The following RTN4 variants were observed in gnomAD, a reference collection of about 807,000 sequenced individuals.
RTN4 encodes the protein reticulon-4.
In RTN4, 32 loss-of-function variants were observed where a neutral mutation model predicts 90.4. The observed-to-expected ratio is 0.35, with a 90% CI of 0.27 to 0.48. The LOEUF is 0.48. RTN4 is among the 20% of genes least tolerant of loss of function. The pLI, the probability that RTN4 is intolerant of heterozygous loss-of-function variation, is 0.99. For missense variants in RTN4, 1,706 were observed against 1,430.2 expected, an observed-to-expected ratio of 1.19 and a Z score of -3.11; for synonymous variants, 629 against 552.5, an observed-to-expected ratio of 1.14 and a Z score of -1.94.
chr2:55,112,807 A>G (rs1202077092), upstream of RTN4, among the ~76,000 whole-genome samples: 3 of 152,192 alleles, frequency 2.0e-5, no homozygotes, highest in East Asian at 1.9e-4. Context: ...TTCAGCCGCT[A>G]TTTATTCAGA....
intron 1 of RTN4, among the ~76,000 whole-genome samples, chr2:55,097,405 A>G (rs2105051909): frequency 6.6e-6 from 1 of 152,176 alleles, no homozygotes. Flanking sequence ...ATCAAACCCC[A>G]GGTACTTCTT....
chr2:54,983,950 G>A (rs950416693), intron 4 of RTN4, among the ~76,000 whole-genome samples: 2 of 152,138 alleles, frequency 1.3e-5, no homozygotes, highest in Non-Finnish European at 2.9e-5. Flanking sequence ...TTCAACCAGG[G>A]ACATCCTCCT....
intron 2 of RTN4, among the ~76,000 whole-genome samples, chr2:55,069,244 C>T (rs548509411): frequency 1.9e-4 from 29 of 152,186 alleles, no homozygotes; most frequent in African/African-American, 5.1e-4. Flanking sequence ...CAGTCGTCTT[C>T]AAGAAATCAA....
intron 4 of RTN4, among the ~76,000 whole-genome samples, chr2:54,983,504 C>T (rs1054047829): frequency 6.6e-6 from 1 of 152,128 alleles, no homozygotes; most frequent in South Asian, 2.1e-4. Context: ...GTCCTCATAA[C>T]CTCCCTATGT....
At chr2:55,103,113 A>G (rs1667882968) in intron 1 of RTN4, among the ~76,000 whole-genome samples, 1 of 151,804 alleles carries the variant, frequency 6.6e-6, no homozygotes, top group South Asian at 2.1e-4. Context: ...ACTCCGGAAA[A>G]AAAAAAAAAA....
chr2:55,017,029 T>C (rs952164256), intron 3 of RTN4, among the ~76,000 whole-genome samples: 1 of 152,218 alleles, frequency 6.6e-6, no homozygotes, highest in Admixed American at 6.5e-5. Flanking sequence ...TCCTCACTAA[T>C]TTAACAATGT....
chr2:55,044,395 G>C (rs1042790650), intron 1 of RTN4, among the ~76,000 whole-genome samples: 4 of 151,308 alleles, frequency 2.6e-5, no homozygotes, highest in Admixed American at 2.0e-4. Flanking sequence ...TGTCTCAAAA[G>C]AAACAAACAA....
rs1353854415 is a variant in RTN4 at position 55,049,912 on chromosome 2, G to A, written c.389C>T (p.Pro130Leu). ...CTCGTCGTCCTCAGGGAGCTTGGAGGGCGAGACTGCGGCAGCAGACAGCGG... is the reference window on the plus strand; with the variant it reads ...CTCGTCGTCCTCAGGGAGCTTGGAGAGCGAGACTGCGGCAGCAGACAGCGG... ...PSPLSAAAVS[P>L]SKLPEDDEPP... Residue 130 changes from proline (P) to leucine (L), a missense_variant, in exon 1 of 9, where the codon CCC (proline) becomes CTC (leucine). Physicochemically the swap from Pro to Leu is moderately conservative, Grantham distance 98 (BLOSUM62 -3). Coordinates refer to ENST00000337526, the MANE Select transcript of RTN4 (RefSeq NM_020532.5). 4.5e-6 allele frequency: 6 copies of A among 1,335,156 alleles called. No homozygotes were observed. The highest frequency in any genetic ancestry group is 4.8e-6 in the Non-Finnish European group (5 of 1,048,728). The allele number at this position is 1,335,156 out of a possible 1,614,324, so 82.7% of individuals were successfully genotyped here.
At chr2:55,121,342 A>G in the RTN4 span, among the ~76,000 whole-genome samples, 1 of 152,246 alleles carries the variant, frequency 6.6e-6, no homozygotes, top group African/African-American at 2.4e-5. Flanking sequence ...ATCAGGAAAA[A>G]TCTAACTGAC....
At chr2:55,029,383 T>C (rs564614481) in intron 1 of RTN4, among the ~76,000 whole-genome samples, 12 of 152,286 alleles carry the variant, frequency 7.9e-5, no homozygotes, top group East Asian at 7.7e-4. Context: ...ATCTTGTACC[T>C]GCAGTTGGGA....
At chr2:55,126,171 T>C in the RTN4 span, among the ~76,000 whole-genome samples, 6 of 151,378 alleles carry the variant, frequency 4.0e-5, no homozygotes, top group Admixed American at 3.3e-4. Flanking sequence ...TGAGACCTCA[T>C]GGAGCCTGAC....
chr2:54,984,077 G>A (rs1341067056), intron 4 of RTN4, among the ~76,000 whole-genome samples: 1 of 152,060 alleles, frequency 6.6e-6, no homozygotes, highest in Non-Finnish European at 1.5e-5. Flanking sequence ...TTCCCAATCT[G>A]CAATGCTCTC....
At chr2:55,107,403 CAAAAAAAAAA>C (rs35664699) in intron 1 of RTN4, among the ~76,000 whole-genome samples, 4 of 101,212 alleles carry the variant, frequency 4.0e-5, no homozygotes, top group East Asian at 7.4e-4. Flanking sequence ...GACTGAACCT[CAAAAAAAAAA>C]AAAAAAAAAA....
At chr2:55,061,355 A>G (rs961013599) in intron 2 of RTN4, among the ~76,000 whole-genome samples, 7 of 152,096 alleles carry the variant, frequency 4.6e-5, no homozygotes, top group African/African-American at 1.7e-4. Flanking sequence ...TGAGCCACCA[A>G]GTTTTCCTAC....
intron 1 of RTN4, among the ~76,000 whole-genome samples, chr2:55,096,875 C>A (rs1313672983): frequency 6.6e-6 from 1 of 151,876 alleles, no homozygotes; most frequent in Admixed American, 6.6e-5. Context: ...GGCTTCCCTA[C>A]ACTCAAGGAA....
At chr2:55,121,216 C>A in the RTN4 span, among the ~76,000 whole-genome samples, 1 of 152,136 alleles carries the variant, frequency 6.6e-6, no homozygotes, top group Non-Finnish European at 1.5e-5. Flanking sequence ...ACAGTCAGTC[C>A]CGATCCCTGC....
At chr2:55,101,242 C>T (rs1026909925) in intron 1 of RTN4, among the ~76,000 whole-genome samples, 5 of 152,132 alleles carry the variant, frequency 3.3e-5, no homozygotes, top group Non-Finnish European at 7.4e-5. Flanking sequence ...TCTTTTCCTA[C>T]ATATTCCTAT....
intron 3 of RTN4, among the ~76,000 whole-genome samples, chr2:55,008,899 C>T (rs556021464): frequency 3.9e-5 from 6 of 152,218 alleles, no homozygotes; most frequent in African/African-American, 7.2e-5. Flanking sequence ...CAATCTGTAA[C>T]GTCAACGGCT....
chr2:55,049,187 G>A, intron 1 of RTN4: 10 of 986,544 alleles, frequency 1.0e-5, no homozygotes, highest in Non-Finnish European at 1.2e-5. Flanking sequence ...CTCCCCACGA[G>A]CACAGGAGGA....
Sources: allele counts gnomAD v4.1 joint callset (sites outside exome capture counted in the v4.1 genomes callset), GRCh38; gene constraint gnomAD v4.1.1; transcripts MANE v1.5; gene names NCBI Gene and HGNC (gene_info 2026-07-23, HGNC 2026-07-21).